Variants in CACNA2D3 observed in about 807,000 individuals in gnomAD.
The protein encoded by CACNA2D3 is voltage-dependent calcium channel subunit alpha-2/delta-3.
A neutral mutation model predicts 160.6 loss-of-function variants in CACNA2D3; 60 were observed. The ratio of observed to expected loss-of-function variants is 0.37; its 90% confidence interval spans 0.30 to 0.46. The LOEUF is 0.46. Among genes scored for constraint, CACNA2D3 ranks in the 20% least tolerant of loss-of-function variants. The pLI is 1.00. For missense variants in CACNA2D3, 1,205 were observed against 1,365.0 expected (o/e 0.88, Z 1.85); for synonymous variants, 558 against 492.9 (o/e 1.13, Z -1.75).
intron 13 of CACNA2D3, among the ~76,000 whole-genome samples, chr3:54,801,364 A>G (rs915887407): frequency 1.3e-5 from 2 of 152,166 alleles, no homozygotes; most frequent in African/African-American, 2.4e-5. Flanking sequence ...AACCTTGCTC[A>G]GAGTGTAACT....
intron 4 of CACNA2D3, among the ~76,000 whole-genome samples, chr3:54,465,289 T>A (rs1224374970): frequency 6.6e-6 from 1 of 152,168 alleles, no homozygotes; most frequent in Non-Finnish European, 1.5e-5. Context: ...ACTTTATATC[T>A]CACTGAGTTT....
chr3:54,712,333 C>T (rs541668710), intron 11 of CACNA2D3, among the ~76,000 whole-genome samples: 139 of 152,202 alleles, frequency 9.1e-4, no homozygotes, highest in African/African-American at 3.1e-3. Context: ...TTTCTGGAGA[C>T]GCAAGGAGAG....
intron 13 of CACNA2D3, among the ~76,000 whole-genome samples, chr3:54,768,233 A>C (rs1702256977): frequency 6.6e-6 from 1 of 152,160 alleles, no homozygotes; most frequent in African/African-American, 2.4e-5. Flanking sequence ...TATTGGATGA[A>C]TCTCAGCAAC....
chr3:54,144,850 A>C (rs1699996758), intron 2 of CACNA2D3, among the ~76,000 whole-genome samples: 1 of 152,230 alleles, frequency 6.6e-6, no homozygotes, highest in Non-Finnish European at 1.5e-5. Flanking sequence ...AAGTGTTTTT[A>C]TCATTTTTAC....
At position 54,871,620 on chromosome 3, in the gene CACNA2D3, G is replaced by T. The variant is rs764866239; in HGVS notation, c.1708G>T (p.Val570Leu). ...SEVEWEDRDD[V>L]LRNAMVNRKT... ...GGTGGAGTGGGAAGACCGAGATGAC[G>T]TGGTAAGTGATTTGTTTTCAGGCCT... is the stretch of plus-strand genomic sequence containing the variant. Residue 570 changes from valine (V) to leucine (L), a missense_variant and splice_region_variant, in exon 18 of 38, where the codon GTG becomes TTG. Physicochemically the swap from Val to Leu is conservative, Grantham distance 32 (BLOSUM62 1). Coordinates refer to ENST00000474759, the MANE Select transcript of CACNA2D3 (RefSeq NM_018398.3). 1 of 1,609,800 alleles carries T rather than the reference G, an allele frequency of 6.2e-7. No homozygotes were observed.
chr3:54,224,958 T>TTA (rs1553759989), intron 2 of CACNA2D3, among the ~76,000 whole-genome samples: 2 of 149,028 alleles, frequency 1.3e-5, no homozygotes, highest in African/African-American at 4.9e-5. Flanking sequence ...TTTTTTTTTT[T>TTA]ACTTTATATA....
chr3:54,442,735 T>C (rs531428218), intron 4 of CACNA2D3, among the ~76,000 whole-genome samples: 215 of 152,302 alleles, frequency 1.4e-3, no homozygotes, highest in African/African-American at 4.6e-3. Context: ...TACTCATCCA[T>C]TAATCCAATC....
intron 14 of CACNA2D3, among the ~76,000 whole-genome samples, chr3:54,830,075 C>G (rs1344790970): frequency 1.3e-5 from 2 of 151,654 alleles, no homozygotes; most frequent in Admixed American, 1.3e-4. Context: ...TCCTGAGTAG[C>G]TGGGATTACA....
intron 25 of CACNA2D3, 77 bp downstream of exon 25, chr3:54,891,527 C>A: frequency 1.8e-6 from 2 of 1,095,492 alleles, no homozygotes; most frequent in Non-Finnish European, 2.8e-6. Context: ...TATTTCATTT[C>A]TTGATTCCAC....
rs535440511 is a variant in CACNA2D3, at chr3:54,781,610, C to T, written c.1380+17259C>T. Among the ~76,000 whole-genome samples the T allele has an allele frequency of 2.0e-5, 3 of 152,302 alleles. No individual in the cohort carries two copies. In the South Asian group the frequency reaches 6.2e-4, roughly 32 times the overall value. On this transcript the variant is annotated intron_variant, in intron 13 of 37. Transcript: ENST00000474759. ...CATTTTTAGGAAATACAGCCTAAGTCCTTGCAGTGAACAATCCAAGCCAAT... is the reference window on the plus strand; with the variant it reads ...CATTTTTAGGAAATACAGCCTAAGTTCTTGCAGTGAACAATCCAAGCCAAT...
At chr3:54,714,776 C>T (rs1701020631) in intron 11 of CACNA2D3, among the ~76,000 whole-genome samples, 2 of 152,186 alleles carry the variant, frequency 1.3e-5, no homozygotes, top group South Asian at 4.1e-4. Flanking sequence ...ACTGCATTCC[C>T]ATGCTTATCG....
At chr3:54,821,727 C>G (rs1559595037) in intron 14 of CACNA2D3, among the ~76,000 whole-genome samples, 1 of 129,284 alleles carries the variant, frequency 7.7e-6, no homozygotes, top group Non-Finnish European at 1.7e-5. Context: ...CTCTCTCTCT[C>G]TCTCTCTCTT....
At chr3:54,914,992 C>G (rs1423459357) in intron 27 of CACNA2D3, among the ~76,000 whole-genome samples, 1 of 152,172 alleles carries the variant, frequency 6.6e-6, no homozygotes, top group Non-Finnish European at 1.5e-5. Context: ...TATTTAGGAT[C>G]TAAGATAAAG....
intron 2 of CACNA2D3, among the ~76,000 whole-genome samples, chr3:54,188,730 T>TGAAC (rs1220591891): frequency 6.6e-6 from 1 of 152,178 alleles, no homozygotes; most frequent in African/African-American, 2.4e-5. Flanking sequence ...TCAAAGATAA[T>TGAAC]GAACACAGGG....
rs574388972 is a variant in CACNA2D3 at position 54,879,021 on chromosome 3, A to G, written c.1714A>G (p.Arg572Gly). 15 of 1,595,256 alleles carry G rather than the reference A, an allele frequency of 9.4e-6. No homozygotes were observed. The highest frequency in any genetic ancestry group is 1.0e-5 in the Non-Finnish European group (12 of 1,170,908). Residue 572 changes from arginine (R) to glycine (G), a missense_variant, in exon 19 of 38, where the codon AGA becomes GGA. Physicochemically the swap from Arg to Gly is moderately radical, Grantham distance 125 (BLOSUM62 -2). This residue lies in a region of CACNA2D3 where 911 missense variants were observed against 1,002.2 expected (regional missense o/e 0.91). Coordinates refer to ENST00000474759, the MANE Select transcript of CACNA2D3 (RefSeq NM_018398.3). ...VEWEDRDDVL[R>G]NAMVNRKTGK... Reference sequence around the variant, plus strand: ...CACTTTTCTTTTATCATTTTAGTTGAGAAATGCTATGGTGAATCGAAAGAC... The same window carrying G: ...CACTTTTCTTTTATCATTTTAGTTGGGAAATGCTATGGTGAATCGAAAGAC...
intron 2 of CACNA2D3, among the ~76,000 whole-genome samples, chr3:54,180,669 A>T (rs970864988): frequency 6.6e-6 from 1 of 152,156 alleles, no homozygotes; most frequent in African/African-American, 2.4e-5. Flanking sequence ...TCTTCCTTTG[A>T]GGCTCAAGTC....
intron 3 of CACNA2D3, among the ~76,000 whole-genome samples, chr3:54,335,999 C>A: frequency 1.1e-5 from 1 of 90,406 alleles, no homozygotes; most frequent in Non-Finnish European, 2.1e-5. Context: ...AGGAAGACTC[C>A]GTCTCAAAAA....
At chr3:54,293,730 C>T (rs753681194) in intron 2 of CACNA2D3, among the ~76,000 whole-genome samples, 2 of 152,128 alleles carry the variant, frequency 1.3e-5, no homozygotes, top group Non-Finnish European at 2.9e-5. Flanking sequence ...ATTTATATGA[C>T]ATTCTGGAAG....
chr3:55,014,001 G>A (rs1167580169), intron 34 of CACNA2D3, among the ~76,000 whole-genome samples: 1 of 152,174 alleles, frequency 6.6e-6, no homozygotes, highest in Non-Finnish European at 1.5e-5. Flanking sequence ...AACTGGGATA[G>A]GAGGCACAGC....
Sources: gnomAD v4.1 joint callset for allele counts (sites outside exome capture counted in the v4.1 genomes callset) on GRCh38, gnomAD v4.1.1 for gene constraint, gnomAD v4.1.1 regional missense constraint, MANE v1.5 for transcripts, NCBI Gene and HGNC (gene_info 2026-07-23, HGNC 2026-07-21) for gene names.